Variants in DCP2 observed in about 807,000 individuals in gnomAD.
The protein encoded by DCP2 is decapping mRNA 2, also known as m7GpppN-mRNA hydrolase.
A neutral mutation model predicts 56.1 loss-of-function variants in DCP2; 30 were observed. The observed-to-expected ratio is 0.53, with a 90% confidence interval of 0.40 to 0.73. The LOEUF (loss-of-function observed/expected upper bound fraction) is 0.73. Among genes scored for constraint, DCP2 ranks in the 30% least tolerant of loss-of-function variants. The probability of loss-of-function intolerance (pLI) is 0.00; values close to 1 mark genes in which losing one functional copy is unlikely to be tolerated. For missense variants in DCP2, 533 were observed against 502.7 expected (o/e 1.06, Z -0.58); for synonymous variants, 197 against 163.3 (o/e 1.21, Z -1.57).
rs1241367848 is a variant in DCP2, at chr5:113,005,157, T to TGTGTGTGTGTGTGG, written c.942+1092_942+1093insGGGTGTGTGTGTGT. 3.6e-3 allele frequency among the ~76,000 whole-genome samples: 536 copies of TGTGTGTGTGTGTGG among 149,048 alleles called. 7 individuals carry two copies. Among genetic ancestry groups the TGTGTGTGTGTGTGG allele is most frequent in the African/African-American group, 0.012 (479 of 40,456 alleles). ...AAAAAAAAGTGTGCGTGTGGGTGTG[T>TGTGTGTGTGTGTGG]GTGTGTGTGTGTAAACTGGGCTTGT... On this transcript the variant is annotated intron_variant, in intron 8 of 10. Coordinates refer to ENST00000389063, the MANE Select transcript of DCP2 (RefSeq NM_152624.6).
At chr5:112,986,341 C>CTT (rs34825323) in intron 2 of DCP2, among the ~76,000 whole-genome samples, 1 of 144,484 alleles carries the variant, frequency 6.9e-6, no homozygotes, top group African/African-American at 2.5e-5. Flanking sequence ...AATTTTTTTT[C>CTT]TTTTTTTTTT....
chr5:113,012,739 G>T (rs1435647832), intron 10 of DCP2, among the ~76,000 whole-genome samples: 1 of 152,186 alleles, frequency 6.6e-6, no homozygotes, highest in Non-Finnish European at 1.5e-5. Flanking sequence ...CGCCTCCTGG[G>T]TACAAGTCAT....
intron 1 of DCP2, chr5:112,984,751 C>G (rs1261910188): frequency 7.9e-6 from 1 of 127,214 alleles, no homozygotes; most frequent in Non-Finnish European, 1.6e-5. Flanking sequence ...GTCACCCAGG[C>G]TGGAATGTAG....
In DCP2 at chr5:113,013,460, T is replaced by A; in HGVS notation, c.1239T>A (p.Ala413=). ...TGAGTTTCAAGTTTGACCATAATGC[T>A]ATAATGAAAATCTTGGACCTTTGAT... ...AFLSFKFDHN[A]IMKILDL The change falls in exon 11 of 11, where the codon GCT becomes GCA. Residue 413 remains alanine, a synonymous_variant. Transcript: ENST00000389063. 6.2e-7 allele frequency: 1 copy of A among 1,614,150 alleles called. No homozygotes were observed. The highest frequency in any genetic ancestry group is 8.5e-7 in the Non-Finnish European group (1 of 1,179,980).
rs57159758 is a variant in DCP2, at chr5:112,984,703, A to AATATATATATATATAT, written c.54-1125_54-1110dup. ...TTCTTAATTAAAAAAAAAAAAAAAA[A>AATATATATATATATAT]ATATATATATATATATATATATTTG... On this transcript the variant is annotated intron_variant, in intron 1 of 10. Coordinates refer to ENST00000389063, the MANE Select transcript of DCP2 (RefSeq NM_152624.6). 7.7e-4 allele frequency: 50 copies of AATATATATATATATAT among 64,848 alleles called. 1 individual carries two copies. The highest frequency in any genetic ancestry group is 3.3e-3 in the African/African-American group (42 of 12,646). The allele number at this position is 64,848 out of a possible 1,614,324, so 4.0% of individuals were successfully genotyped here.
chr5:112,978,157 A>G (rs891318356), intron 1 of DCP2, among the ~76,000 whole-genome samples: 5 of 151,904 alleles, frequency 3.3e-5, no homozygotes, highest in Admixed American at 6.6e-5. Flanking sequence ...TTGTATTTTT[A>G]GTAGAGACGG....
chr5:113,001,326 A>G, intron 5 of DCP2, 31 bp from the exon 6 acceptor site: 1 of 1,599,132 alleles, frequency 6.3e-7, no homozygotes, highest in Non-Finnish European at 8.5e-7. Context: ...ATAAAAATTA[A>G]CTAAATGAAT....
At chr5:112,983,651 C>A (rs1273962468) in intron 1 of DCP2, among the ~76,000 whole-genome samples, 1 of 151,904 alleles carries the variant, frequency 6.6e-6, no homozygotes, top group East Asian at 1.9e-4. Context: ...TGCAAAATTT[C>A]ACAACACTGG....
intron 4 of DCP2, among the ~76,000 whole-genome samples, chr5:112,995,406 C>G (rs563305679): frequency 3.9e-5 from 6 of 152,182 alleles, no homozygotes; most frequent in Non-Finnish European, 5.9e-5. Flanking sequence ...AAATAGAAAT[C>G]AGCAGTATCC....
At chr5:112,980,711 A>C (rs1280776446) in intron 1 of DCP2, among the ~76,000 whole-genome samples, 3 of 152,182 alleles carry the variant, frequency 2.0e-5, no homozygotes, top group African/African-American at 7.2e-5. Context: ...CATGGTTTTG[A>C]AAATTAGAGT....
intron 2 of DCP2, among the ~76,000 whole-genome samples, chr5:112,989,945 A>G (rs1454774337): frequency 1.3e-5 from 2 of 152,202 alleles, no homozygotes; most frequent in African/African-American, 4.8e-5. Context: ...TGGATATCTG[A>G]GGAGAAGTAG....
rs1750092105 is a variant in DCP2 at position 113,020,932 on chromosome 5, A to G, written c.*7448A>G. On this transcript the variant is annotated 3_prime_UTR_variant, in exon 11 of 11. Coordinates refer to ENST00000389063, the MANE Select transcript of DCP2 (RefSeq NM_152624.6). ...TTAGATTGTTTGTAATGTACTATCA[A>G]TAAAATTGGCTGCTTGGGCGGTTTT... 1 of 152,210 alleles carries G rather than the reference A, an allele frequency of 6.6e-6. No individual in the cohort carries two copies. Among genetic ancestry groups the G allele is most frequent in the African/African-American group, 2.4e-5 (1 of 41,452 alleles). 9.4% of individuals were successfully genotyped at this position (152,210 alleles called of 1,614,324 possible).
intron 1 of DCP2, among the ~76,000 whole-genome samples, chr5:112,978,683 T>TA (rs35646202): frequency 0.31 from 42,837 of 136,520 alleles, 6,200 homozygotes; most frequent in Middle Eastern, 0.4. Flanking sequence ...TTGTCCCAAA[T>TA]AAAAAAAAAA....
chr5:112,985,788 G>T (rs759680305), intron 1 of DCP2, 47 bp from the exon 2 acceptor site: 3 of 1,579,786 alleles, frequency 1.9e-6, no homozygotes, highest in Non-Finnish European at 1.7e-6. Context: ...AAGATAAATC[G>T]TTATAGTTTG....
At chr5:112,988,740 G>A (rs1440914691) in intron 2 of DCP2, among the ~76,000 whole-genome samples, 1 of 152,160 alleles carries the variant, frequency 6.6e-6, no homozygotes, top group African/African-American at 2.4e-5. Context: ...TTGGTGATAG[G>A]TTCTCTGGAG....
At chr5:113,013,273 T>C (rs1319486253) in intron 10 of DCP2, 48 bp from the exon 11 acceptor site, 1 of 1,560,526 alleles carries the variant, frequency 6.4e-7, no homozygotes, top group Non-Finnish European at 8.7e-7. Context: ...GTATTTGATT[T>C]CTTACTAAGG....
At position 113,001,731 on chromosome 5, in the gene DCP2, A is replaced by G; in HGVS notation, c.806+57A>G. On this transcript the variant is annotated intron_variant, in intron 7 of 10. Transcript: ENST00000389063. Reference sequence around the variant, plus strand: ...TCTAATAGTTTTTAAAAGTGGAATAATAGTATTTTGCTTCTAAAATTTGCA... The same window carrying G: ...TCTAATAGTTTTTAAAAGTGGAATAGTAGTATTTTGCTTCTAAAATTTGCA... The G allele has an allele frequency of 3.3e-6, 5 of 1,506,700 alleles. No individual in the cohort carries two copies. The East Asian group carries it at 9.0e-5, about 27-fold the overall frequency. The allele number at this position is 1,506,700 out of a possible 1,614,324, so 93.3% of individuals were successfully genotyped here.
chr5:112,991,117 A>T (rs1013480408), intron 2 of DCP2, among the ~76,000 whole-genome samples: 53 of 152,216 alleles, frequency 3.5e-4, no homozygotes, highest in African/African-American at 1.3e-3. Context: ...ACTAGTACCA[A>T]TATGGTCTCT....
In DCP2 at chr5:113,018,405, G is replaced by T. The variant is rs1405514852; in HGVS notation, c.*4921G>T. ...TCTTCTGTGGTTAGCAGAGGAGTAT[G>T]GTCTAGCTATGTTAGCAGCTTGAAG... On this transcript the variant is annotated 3_prime_UTR_variant, in exon 11 of 11. Transcript: ENST00000389063. 6.6e-6 allele frequency: 1 copy of T among 152,204 alleles called. No individual in the cohort carries two copies. The highest frequency in any genetic ancestry group is 2.4e-5 in the African/African-American group (1 of 41,444). 9.4% of individuals were successfully genotyped at this position (152,204 alleles called of 1,614,324 possible). A position where few individuals can be genotyped will look rare whatever the true frequency, so the allele number is the denominator to read the frequency against.
Sources: allele counts gnomAD v4.1 joint callset (sites outside exome capture counted in the v4.1 genomes callset), GRCh38; gene constraint gnomAD v4.1.1; transcripts MANE v1.5; gene names NCBI Gene and HGNC (gene_info 2026-07-23, HGNC 2026-07-21).